The following TSGA10 variants were observed in gnomAD, a reference collection of about 807,000 sequenced individuals.
TSGA10 encodes testis-specific gene 10 protein.
In TSGA10, 43 loss-of-function variants were observed where a neutral mutation model predicts 96.6. That is an observed-to-expected ratio of 0.44 (90% CI 0.35 to 0.57). The LOEUF (loss-of-function observed/expected upper bound fraction) is 0.57. Among genes scored for constraint, TSGA10 ranks in the 20% least tolerant of loss-of-function variants. The pLI is 0.01. For synonymous variants in TSGA10, 229 were observed against 269.9 expected, an observed-to-expected ratio of 0.85 and a Z score of 1.48; for missense variants, 703 against 834.4, an observed-to-expected ratio of 0.84 and a Z score of 1.94.
chr2:98,998,874 C>T (rs1160284005), intron 20 of TSGA10, among the ~76,000 whole-genome samples: 1 of 151,970 alleles, frequency 6.6e-6, no homozygotes, highest in Non-Finnish European at 1.5e-5. Flanking sequence ...ACTTGTGAGA[C>T]TATAATCATT....
chr2:99,137,065 C>A (rs1229796331), intron 1 of TSGA10, among the ~76,000 whole-genome samples: 12 of 141,440 alleles, frequency 8.5e-5, no homozygotes, highest in Admixed American at 5.3e-4. Flanking sequence ...GTGGTATGAT[C>A]TCGGCTCACT....
At chr2:99,104,776 C>T (rs973896283) in intron 9 of TSGA10, among the ~76,000 whole-genome samples, 2 of 152,098 alleles carry the variant, frequency 1.3e-5, no homozygotes, top group Non-Finnish European at 2.9e-5. Flanking sequence ...TGCCCAGCCC[C>T]TATCTCATAT....
intron 20 of TSGA10, among the ~76,000 whole-genome samples, chr2:99,014,334 CA>C (rs1034382195): frequency 6.6e-6 from 1 of 151,970 alleles, no homozygotes; most frequent in Non-Finnish European, 1.5e-5. Context: ...GATTCCATCT[CA>C]AAAAAATTAA....
intron 15 of TSGA10, among the ~76,000 whole-genome samples, chr2:99,065,801 A>C (rs1198119767): frequency 6.6e-6 from 1 of 152,228 alleles, no homozygotes. Flanking sequence ...GTATAAATTG[A>C]GCATACAATA....
intron 16 of TSGA10, among the ~76,000 whole-genome samples, chr2:99,057,179 T>C (rs1248646954): frequency 6.6e-6 from 1 of 152,140 alleles, no homozygotes; most frequent in Non-Finnish European, 1.5e-5. Context: ...GGATGCCCCT[T>C]CTGGACCCTT....
chr2:99,048,378 T>C (rs1558840755), intron 16 of TSGA10, among the ~76,000 whole-genome samples: 1 of 151,856 alleles, frequency 6.6e-6, no homozygotes, highest in African/African-American at 2.4e-5. Flanking sequence ...AACATATATA[T>C]ATACACACAC....
Position 99,154,926 on chromosome 2 carries a change from T to C in TSGA10, c.-854A>G, listed in dbSNP as rs2093733694. 4 of 446,212 alleles carry C rather than the reference T, an allele frequency of 9.0e-6. No homozygotes were observed. Among genetic ancestry groups the C allele is most frequent in the South Asian group, 6.3e-5 (4 of 63,858 alleles). The allele number at this position is 446,212 out of a possible 1,614,324, so 27.6% of individuals were successfully genotyped here. On this transcript the variant is annotated 5_prime_UTR_variant, in exon 1 of 21. Coordinates refer to ENST00000393483, the MANE Select transcript of TSGA10 (RefSeq NM_025244.4). The stretch of plus-strand genomic sequence containing the variant: ...TGCGCGCCCCTCCTTCTCTTGCGCT[T>C]CAGGGGGCCGGCCCTCAGGGGGCGG...
intron 13 of TSGA10, 66 bp from the exon 14 acceptor site, chr2:99,071,940 C>A: frequency 7.1e-7 from 1 of 1,416,686 alleles, no homozygotes; most frequent in South Asian, 1.4e-5. Flanking sequence ...CAAATTCTCA[C>A]AAGACAGAAG....
At chr2:99,130,874 T>A (rs1000609280) in intron 1 of TSGA10, among the ~76,000 whole-genome samples, 1 of 152,236 alleles carries the variant, frequency 6.6e-6, no homozygotes, top group African/African-American at 2.4e-5. Flanking sequence ...ATTTATGAAG[T>A]AGAGAATCCT....
At chr2:99,127,866 T>C (rs1401645749) in intron 1 of TSGA10, among the ~76,000 whole-genome samples, 1 of 152,172 alleles carries the variant, frequency 6.6e-6, no homozygotes, top group East Asian at 1.9e-4. Context: ...ATAGCTTCTG[T>C]TCAAATAATT....
chr2:99,094,203 T>C (rs1486392210), intron 10 of TSGA10, among the ~76,000 whole-genome samples: 2 of 152,140 alleles, frequency 1.3e-5, no homozygotes, highest in African/African-American at 2.4e-5. Context: ...AAGCCACATG[T>C]AGAAGAATGA....
intron 10 of TSGA10, among the ~76,000 whole-genome samples, chr2:99,096,386 G>A (rs2090040310): frequency 6.6e-6 from 1 of 152,202 alleles, no homozygotes; most frequent in Admixed American, 6.5e-5. Context: ...ATCTCGGAGA[G>A]TTCTTTTAAT....
At chr2:99,128,617 T>C (rs1035145951) in intron 1 of TSGA10, among the ~76,000 whole-genome samples, 2 of 152,198 alleles carry the variant, frequency 1.3e-5, no homozygotes, top group Non-Finnish European at 2.9e-5. Context: ...AATCATGCTG[T>C]GCTGTAATTT....
intron 17 of TSGA10, among the ~76,000 whole-genome samples, chr2:99,023,284 A>T (rs2080215098): frequency 6.6e-6 from 1 of 152,130 alleles, no homozygotes; most frequent in Non-Finnish European, 1.5e-5. Flanking sequence ...AGAGGCATGA[A>T]CCACCACTAC....
At chr2:99,147,355 ATTGAT>A (rs2093642777) in intron 1 of TSGA10, 9 of 1,041,372 alleles carry the variant, frequency 8.6e-6, no homozygotes, top group Non-Finnish European at 1.2e-5. Context: ...TTTTCTCCAG[ATTGAT>A]TTATCTCTTT....
At chr2:99,144,717 T>C (rs1345632762) in intron 1 of TSGA10, among the ~76,000 whole-genome samples, 1 of 147,686 alleles carries the variant, frequency 6.8e-6, no homozygotes, top group African/African-American at 2.5e-5. Context: ...TACTCCATCA[T>C]GACTAGCAGC....
chr2:99,043,639 A>C (rs1230088492), intron 16 of TSGA10, among the ~76,000 whole-genome samples: 1 of 152,194 alleles, frequency 6.6e-6, no homozygotes, highest in African/African-American at 2.4e-5. Context: ...CAAGGGAAAA[A>C]TGGCTTGTCA....
At chr2:99,006,251 A>G (rs1026778360) in intron 20 of TSGA10, among the ~76,000 whole-genome samples, 37 of 152,336 alleles carry the variant, frequency 2.4e-4, no homozygotes, top group African/African-American at 8.7e-4. Flanking sequence ...TTCATGTCTA[A>G]AACACCAAAA....
rs767001444 is a variant in TSGA10 at position 99,150,580 on chromosome 2, TCTG to T, written c.-621+4110_-621+4112del. 5 of 1,613,384 alleles carry T rather than the reference TCTG, an allele frequency of 3.1e-6. No individual in the cohort carries two copies. The African/African-American group carries it at 6.7e-5, about 22-fold the overall frequency. ...CCTAATGGGATTTTCACTTAGTAAATCTGCTACTCAGGTATCTGCTATACATAT... is the reference window on the plus strand; with the variant it reads ...CCTAATGGGATTTTCACTTAGTAAATCTACTCAGGTATCTGCTATACATAT... On this transcript the variant is annotated intron_variant, in intron 1 of 20. Coordinates refer to ENST00000393483, the MANE Select transcript of TSGA10 (RefSeq NM_025244.4).
Sources: allele counts gnomAD v4.1 joint callset (sites outside exome capture counted in the v4.1 genomes callset), GRCh38; gene constraint gnomAD v4.1.1; transcripts MANE v1.5; gene names NCBI Gene and HGNC (gene_info 2026-07-23, HGNC 2026-07-21).